The following SLC12A6 variants were observed in gnomAD, a reference collection of about 807,000 sequenced individuals.
SLC12A6 encodes the protein solute carrier family 12 member 6, also known as K-Cl cotransporter 3.
Under a neutral mutation model 135.3 loss-of-function variants are expected in SLC12A6, and 66 were observed. The observed-to-expected ratio is 0.49, with a 90% CI of 0.40 to 0.60. The LOEUF is 0.60. SLC12A6 is among the 20% of genes least tolerant of loss of function. SLC12A6 has a pLI of 0.00. For missense variants in SLC12A6, 1,058 were observed against 1,452.3 expected (o/e 0.73, Z 4.41); for synonymous variants, 513 against 508.8 (o/e 1.01, Z -0.11).
intron 2 of SLC12A6, among the ~76,000 whole-genome samples, chr15:34,310,612 T>C (rs1888146931): frequency 1.5e-5 from 1 of 65,652 alleles, no homozygotes; most frequent in African/African-American, 8.7e-5. Context: ...CAGGCTGGTG[T>C]TGAACTCCTG....
chr15:34,281,989 C>A (rs1894716860), intron 2 of SLC12A6, among the ~76,000 whole-genome samples: 1 of 150,666 alleles, frequency 6.6e-6, no homozygotes. Flanking sequence ...CCTACATATG[C>A]CAAAAAAAAA....
At chr15:34,241,027 A>G (rs1891607172) in intron 18 of SLC12A6, 198 bp from the exon 19 acceptor site, 1 of 652,914 alleles carries the variant, frequency 1.5e-6, no homozygotes, top group Non-Finnish European at 2.7e-6. Flanking sequence ...ATCAGTCTTC[A>G]AGGAAGAATA....
intron 2 of SLC12A6, among the ~76,000 whole-genome samples, chr15:34,292,181 C>A (rs1479408243): frequency 6.6e-6 from 1 of 152,120 alleles, no homozygotes; most frequent in East Asian, 1.9e-4. Context: ...GTGTGGATGT[C>A]CTTTTTGTTG....
At chr15:34,304,576 C>A (rs764881069) in intron 2 of SLC12A6, among the ~76,000 whole-genome samples, 1 of 152,146 alleles carries the variant, frequency 6.6e-6, no homozygotes, top group Non-Finnish European at 1.5e-5. Context: ...TTATAGCCAT[C>A]CCAGTGAGTG....
intron 3 of SLC12A6, among the ~76,000 whole-genome samples, chr15:34,261,824 A>C (rs1241704156): frequency 6.6e-6 from 1 of 152,236 alleles, no homozygotes; most frequent in Non-Finnish European, 1.5e-5. Context: ...CACACCAGTC[A>C]GAATGGCAAT....
rs1229555255 is a variant in SLC12A6 at position 34,312,689 on chromosome 15, G to C, written c.271+23721C>G. Among the ~76,000 whole-genome samples the C allele has an allele frequency of 2.0e-5, 3 of 152,146 alleles. No homozygotes were observed. The East Asian group carries it at 5.8e-4, about 29-fold the overall frequency. On this transcript the variant is annotated intron_variant, in intron 2 of 25. Transcript: ENST00000354181. ...GGCATACCTTGTTTTATTGTGCTGT[G>C]CTTTATGGTGCTTCACAGATACTTT...
At chr15:34,307,488 T>G (rs1325715346) in intron 2 of SLC12A6, among the ~76,000 whole-genome samples, 1 of 152,228 alleles carries the variant, frequency 6.6e-6, no homozygotes, top group Non-Finnish European at 1.5e-5. Flanking sequence ...TTTACATTTT[T>G]CTTTTATTTT....
chr15:34,250,838 T>C, intron 11 of SLC12A6, 61 bp downstream of exon 11: 1 of 1,480,850 alleles, frequency 6.8e-7, no homozygotes, highest in Admixed American at 1.7e-5. Flanking sequence ...TTCTGCCTCC[T>C]GAGAAAAATC....
Position 34,231,957 on chromosome 15 carries a change from T to C in SLC12A6, c.*1924A>G, listed in dbSNP as rs774175991. On this transcript the variant is annotated 3_prime_UTR_variant, in exon 26 of 26. Coordinates refer to ENST00000354181, the MANE Select transcript of SLC12A6 (RefSeq NM_001365088.1). ...TGTCCTTACAGGTCAAATGAATAAT[T>C]TGTGACACCTAGGTCAGCTTGCTCC... 6.6e-6 allele frequency: 1 copy of C among 152,186 alleles called. No homozygotes were observed. Among genetic ancestry groups the C allele is most frequent in the Non-Finnish European group, 1.5e-5 (1 of 68,036 alleles). 9.4% of individuals were successfully genotyped at this position (152,186 alleles called of 1,614,324 possible).
intron 2 of SLC12A6, among the ~76,000 whole-genome samples, chr15:34,333,379 G>A (rs1238120082): frequency 6.6e-6 from 1 of 151,894 alleles, no homozygotes; most frequent in African/African-American, 2.4e-5. Flanking sequence ...ACAGGCGCAC[G>A]CCGTCACGCC....
intron 2 of SLC12A6, among the ~76,000 whole-genome samples, chr15:34,327,032 A>C (rs1335973056): frequency 6.6e-6 from 1 of 152,060 alleles, no homozygotes; most frequent in Non-Finnish European, 1.5e-5. Context: ...GCCTAGGTTC[A>C]ATCATTATTC....
chr15:34,290,766 T>G (rs1895462095), intron 2 of SLC12A6, among the ~76,000 whole-genome samples: 1 of 152,240 alleles, frequency 6.6e-6, no homozygotes, highest in Admixed American at 6.5e-5. Context: ...AAAGTCTGTT[T>G]TATCAAACAG....
At chr15:34,245,434 G>A in intron 14 of SLC12A6, 31 bp from the exon 15 acceptor site, 1 of 1,216,380 alleles carries the variant, frequency 8.2e-7, no homozygotes, top group Non-Finnish European at 1.2e-6. Context: ...TCAGGCACAG[G>A]AGTACTGAGT....
At chr15:34,304,830 A>G (rs1005664852) in intron 2 of SLC12A6, among the ~76,000 whole-genome samples, 1 of 152,200 alleles carries the variant, frequency 6.6e-6, no homozygotes, top group Non-Finnish European at 1.5e-5. Flanking sequence ...TACATAATAC[A>G]TTCCCAAAGA....
intron 2 of SLC12A6, among the ~76,000 whole-genome samples, chr15:34,319,610 C>T (rs537362000): frequency 2.6e-5 from 4 of 151,886 alleles, no homozygotes; most frequent in Admixed American, 2.6e-4. Context: ...ACCAGCCTGG[C>T]CAACATGGGG....
chr15:34,288,463 C>A (rs910921468), intron 2 of SLC12A6, among the ~76,000 whole-genome samples: 4 of 152,146 alleles, frequency 2.6e-5, no homozygotes, highest in South Asian at 4.1e-4. Flanking sequence ...CTTGGCAATG[C>A]GGGCTCTTTT....
chr15:34,261,893 T>C (rs1403643122), intron 3 of SLC12A6, among the ~76,000 whole-genome samples: 1 of 152,232 alleles, frequency 6.6e-6, no homozygotes, highest in Non-Finnish European at 1.5e-5. Context: ...GAAATGCTTA[T>C]ACACTGCTGG....
rs551833920 is a variant in SLC12A6, at chr15:34,252,231, A to G, written c.1272T>C (p.Phe424=). ...GGATTGAAGTGACGTTATTGTGAAC[A>G]AAGTATTCATCACAGGTGGCATTGA... ...QFFNATCDEY[F]VHNNVTSIQG... The change falls in exon 10 of 26, where the codon TTT becomes TTC. Residue 424 remains phenylalanine (F), a synonymous_variant. Transcript: ENST00000354181. The G allele has an allele frequency of 6.2e-7, 1 of 1,610,020 alleles. No homozygotes were observed. Among genetic ancestry groups the G allele is most frequent in the Non-Finnish European group, 8.5e-7 (1 of 1,176,236 alleles).
chr15:34,278,236 G>A (rs191828936), intron 2 of SLC12A6, among the ~76,000 whole-genome samples: 3 of 152,178 alleles, frequency 2.0e-5, no homozygotes, highest in Admixed American at 6.5e-5. Flanking sequence ...AGACCAGCCT[G>A]ACCAACATAG....
Sources: gnomAD v4.1 joint callset for allele counts (sites outside exome capture counted in the v4.1 genomes callset) on GRCh38, gnomAD v4.1.1 for gene constraint, MANE v1.5 for transcripts, NCBI Gene and HGNC (gene_info 2026-07-23, HGNC 2026-07-21) for gene names.